The following TXNRD1 variants were observed in gnomAD, a reference collection of about 807,000 sequenced individuals.
TXNRD1 encodes thioredoxin reductase 1.
TXNRD1 carries 57 observed loss-of-function variants against 80.3 expected under a neutral mutation model. The observed-to-expected ratio is 0.71, with a 90% confidence interval of 0.57 to 0.89. The LOEUF is 0.89. TXNRD1 is among the 40% of genes least tolerant of loss of function. The pLI, the probability that TXNRD1 is intolerant of heterozygous loss-of-function variation, is 0.00. For missense variants in TXNRD1, 730 were observed against 803.0 expected, an observed-to-expected ratio of 0.91 and a Z score of 1.10; for synonymous variants, 291 against 285.2, an observed-to-expected ratio of 1.02 and a Z score of -0.20.
intron 5 of TXNRD1, 44 bp from the exon 6 acceptor site, chr12:104,313,201 T>G (rs138689069): frequency 6.8e-6 from 10 of 1,478,740 alleles, no homozygotes; most frequent in Non-Finnish European, 8.3e-6. Flanking sequence ...TTCCAATCTG[T>G]CATGTTAACC....
intron 10 of TXNRD1, among the ~76,000 whole-genome samples, chr12:104,322,955 C>CCG (rs1290313397): frequency 7.3e-6 from 1 of 137,100 alleles, no homozygotes; most frequent in African/African-American, 2.8e-5. Context: ...CTGCGGCCTT[C>CCG]CGCGGTGTTT....
At chr12:104,322,049 A>G (rs1249709309) in intron 10 of TXNRD1, among the ~76,000 whole-genome samples, 1 of 149,466 alleles carries the variant, frequency 6.7e-6, no homozygotes, top group African/African-American at 2.5e-5. Flanking sequence ...GTATGTGACT[A>G]TGGATCTCCT....
intron 4 of TXNRD1, among the ~76,000 whole-genome samples, chr12:104,294,240 C>CCCCCCCCCA (rs2034350985): frequency 8.1e-6 from 1 of 123,734 alleles, no homozygotes; most frequent in South Asian, 3.3e-4. Flanking sequence ...AAGGCCCCCC[C>CCCCCCCCCA]CCCCGCCGCC....
intron 9 of TXNRD1, among the ~76,000 whole-genome samples, chr12:104,319,852 C>T (rs185734207): frequency 6.6e-6 from 1 of 152,038 alleles, no homozygotes; most frequent in Admixed American, 6.6e-5. Flanking sequence ...CATTTGTATT[C>T]GAAATTTATT....
chr12:104,335,575 A>G (rs915266265), intron 15 of TXNRD1, among the ~76,000 whole-genome samples: 1 of 152,114 alleles, frequency 6.6e-6, no homozygotes, highest in African/African-American at 2.4e-5. Flanking sequence ...TTTTTTCCAT[A>G]TATATGAAAT....
intron 3 of TXNRD1, among the ~76,000 whole-genome samples, chr12:104,260,857 G>GTCCT (rs1194445366): frequency 1.3e-5 from 2 of 152,176 alleles, no homozygotes; most frequent in Non-Finnish European, 2.9e-5. Context: ...AAATGAACAT[G>GTCCT]TCCTTCAAGG....
At chr12:104,252,686 A>ATTTTTTTT (rs2033150039) in intron 2 of TXNRD1, among the ~76,000 whole-genome samples, 1 of 83,948 alleles carries the variant, frequency 1.2e-5, no homozygotes, top group Non-Finnish European at 2.2e-5. Context: ...ATATATATAT[A>ATTTTTTTT]TATATTTTTT....
At chr12:104,304,013 C>G in intron 4 of TXNRD1, 1 of 1,611,938 alleles carries the variant, frequency 6.2e-7, no homozygotes, top group Non-Finnish European at 8.5e-7. Flanking sequence ...AGACCCAAAG[C>G]TCCTGGAGCT....
At chr12:104,288,672 T>A in intron 3 of TXNRD1, 1 of 1,175,864 alleles carries the variant, frequency 8.5e-7, no homozygotes, top group Non-Finnish European at 1.1e-6. Context: ...TAACCCTGAC[T>A]AGAACTCTGA....
At position 104,318,921 on chromosome 12, in the gene TXNRD1, G is replaced by A. The variant is rs1565899804; in HGVS notation, c.739G>A (p.Asp247Asn). Residue 247 changes from aspartate (D) to asparagine (N), a missense_variant, in exon 8 of 17, where the codon GAT becomes AAT. Transcript: ENST00000525566. ...TTTATTTTCTTATACAGTTAAGCATGATTGGGACAGAATGATAGAAGCTGT... is the reference window on the plus strand; with the variant it reads ...TTTATTTTCTTATACAGTTAAGCATAATTGGGACAGAATGATAGAAGCTGT... Reference protein sequence around the residue: ...GWKVEETVKHDWDRMIEAVQN... With the variant: ...GWKVEETVKHNWDRMIEAVQN... 1 of 1,611,320 alleles carries A rather than the reference G, an allele frequency of 6.2e-7. No homozygotes were observed. Among genetic ancestry groups the A allele is most frequent in the Non-Finnish European group, 8.5e-7 (1 of 1,179,232 alleles).
chr12:104,314,217 A>G (rs954669823), intron 6 of TXNRD1, among the ~76,000 whole-genome samples: 1 of 152,228 alleles, frequency 6.6e-6, no homozygotes, highest in Non-Finnish European at 1.5e-5. Flanking sequence ...ATCAAAGCAT[A>G]TAATTTGGAC....
At chr12:104,270,902 A>T (rs985489328) in intron 3 of TXNRD1, among the ~76,000 whole-genome samples, 29 of 151,896 alleles carry the variant, frequency 1.9e-4, no homozygotes, top group Admixed American at 1.9e-3. Flanking sequence ...TAATCCCAGT[A>T]CTTTGGGAGG....
At chr12:104,311,147 T>G in intron 4 of TXNRD1, 143 bp from the exon 5 acceptor site, 1 of 962,644 alleles carries the variant, frequency 1.0e-6, no homozygotes, top group Non-Finnish European at 1.5e-6. Context: ...GGTTGAATAT[T>G]TCCATCTGTA....
At chr12:104,297,407 C>T (rs1358170660) in intron 4 of TXNRD1, among the ~76,000 whole-genome samples, 1 of 151,678 alleles carries the variant, frequency 6.6e-6, no homozygotes, top group Non-Finnish European at 1.5e-5. Context: ...TGCTCTGTTG[C>T]CCAGGCTGGA....
rs182600534 is a variant in TXNRD1, at chr12:104,272,170, G to A, written c.304+14091G>A. Among the ~76,000 whole-genome samples the A allele has an allele frequency of 1.6e-4, 25 of 152,278 alleles. 1 individual carries two copies. The Middle Eastern group carries it at 0.01, about 62-fold the overall frequency. ...GCAAGTTACTTCTATAGAAGGGTGC[G>A]CCCTTACAGACGGAGCAATGGTGAG... On this transcript the variant is annotated intron_variant, in intron 3 of 16. Transcript: ENST00000525566.
At chr12:104,335,525 C>G (rs557277418) in intron 15 of TXNRD1, among the ~76,000 whole-genome samples, 13 of 152,042 alleles carry the variant, frequency 8.6e-5, no homozygotes, top group Non-Finnish European at 1.6e-4. Context: ...TTAGCAGAAA[C>G]CTGTGAAAGC....
At chr12:104,308,499 T>C (rs920698114) in intron 4 of TXNRD1, among the ~76,000 whole-genome samples, 1 of 152,110 alleles carries the variant, frequency 6.6e-6, no homozygotes, top group East Asian at 1.9e-4. Flanking sequence ...TAACATTTAA[T>C]AAATATATTA....
chr12:104,260,121 G>A (rs1009085295), intron 3 of TXNRD1, among the ~76,000 whole-genome samples: 1 of 152,048 alleles, frequency 6.6e-6, no homozygotes, highest in African/African-American at 2.4e-5. Flanking sequence ...ATTGCCTGAG[G>A]TCAGGAGTTC....
Position 104,350,011 on chromosome 12 carries a change from A to G in TXNRD1, c.*1590A>G, listed in dbSNP as rs2036597726. On this transcript the variant is annotated 3_prime_UTR_variant, in exon 17 of 17. Transcript: ENST00000525566. ...ATTCAGTTTTATTTATTTATTTTTA[A>G]TTTGTTTTTTTCTCCAAGTCCACCA... 6.6e-6 allele frequency: 1 copy of G among 152,156 alleles called. No individual in the cohort carries two copies. The highest frequency in any genetic ancestry group is 1.5e-5 in the Non-Finnish European group (1 of 68,034). 9.4% of individuals were successfully genotyped at this position (152,156 alleles called of 1,614,324 possible).
Sources: allele counts gnomAD v4.1 joint callset (sites outside exome capture counted in the v4.1 genomes callset), GRCh38; gene constraint gnomAD v4.1.1; transcripts MANE v1.5; gene names NCBI Gene and HGNC (gene_info 2026-07-23, HGNC 2026-07-21).